The following MYO18B variants were observed in gnomAD, a reference collection of about 807,000 sequenced individuals.
MYO18B encodes myosin XVIIIB.
Under a neutral mutation model 273.0 loss-of-function variants are expected in MYO18B, and 204 were observed. That is an observed-to-expected ratio of 0.75 (90% CI 0.67 to 0.84). The LOEUF (loss-of-function observed/expected upper bound fraction) is 0.84, where lower values mean the gene tolerates loss of function less well. Among genes scored for constraint, MYO18B ranks in the 40% least tolerant of loss-of-function variants. MYO18B has a pLI of 0.00. For synonymous variants in MYO18B, 1,330 were observed against 1,305.7 expected, an observed-to-expected ratio of 1.02 and a Z score of -0.40; for missense variants, 3,212 against 3,287.6, an observed-to-expected ratio of 0.98 and a Z score of 0.56.
intron 25 of MYO18B, among the ~76,000 whole-genome samples, chr22:25,885,981 T>C (rs1317700759): frequency 6.6e-6 from 1 of 152,228 alleles, no homozygotes; most frequent in East Asian, 1.9e-4. Context: ...ATTGCTGTCA[T>C]GCACTTGTTA....
chr22:25,978,694 CT>C (rs2093119120), intron 39 of MYO18B, among the ~76,000 whole-genome samples: 1 of 152,204 alleles, frequency 6.6e-6, no homozygotes, highest in Non-Finnish European at 1.5e-5. Flanking sequence ...TCGCTCATGC[CT>C]GTAATCCCAG....
chr22:25,761,035 T>G lies in MYO18B; in HGVS notation c.-58T>G. 1 of 1,593,152 alleles carries G rather than the reference T, an allele frequency of 6.3e-7. No individual in the cohort carries two copies. ...GTGTCTGTAAAGCCTCATTCCGTGC[T>G]GTCTGGCAGGAAGCTCCATCTCATC... On this transcript the variant is annotated 5_prime_UTR_variant, in exon 2 of 44. Coordinates refer to ENST00000335473, the MANE Select transcript of MYO18B (RefSeq NM_032608.7).
At chr22:25,759,620 TAACA>T (rs1183970773) in intron 1 of MYO18B, among the ~76,000 whole-genome samples, 1 of 152,152 alleles carries the variant, frequency 6.6e-6, no homozygotes, top group Non-Finnish European at 1.5e-5. Context: ...TATACCTATG[TAACA>T]AACCTGCATG....
intron 34 of MYO18B, among the ~76,000 whole-genome samples, chr22:25,935,265 G>A (rs377384854): frequency 7.9e-5 from 12 of 152,156 alleles, no homozygotes; most frequent in Admixed American, 2.6e-4. Flanking sequence ...GGAGGAGAGT[G>A]AGCAAGGGAG....
intron 34 of MYO18B, among the ~76,000 whole-genome samples, chr22:25,941,113 A>G (rs761747650): frequency 6.6e-6 from 1 of 152,244 alleles, no homozygotes; most frequent in Non-Finnish European, 1.5e-5. Flanking sequence ...TACAAAAAGT[A>G]AAAATTGGAA....
intron 11 of MYO18B, among the ~76,000 whole-genome samples, chr22:25,791,943 C>T (rs1248752662): frequency 2.0e-5 from 3 of 152,182 alleles, no homozygotes; most frequent in Admixed American, 1.3e-4. Flanking sequence ...GTGGTGGAGT[C>T]GGGACTGGGA....
chr22:25,829,107 C>T, intron 15 of MYO18B, 139 bp downstream of exon 15: 1 of 987,700 alleles, frequency 1.0e-6, no homozygotes, highest in Non-Finnish European at 1.5e-6. Context: ...GCCCTTTCCC[C>T]AGGCCTGGCT....
intron 12 of MYO18B, among the ~76,000 whole-genome samples, chr22:25,820,616 G>C (rs560848512): frequency 2.6e-4 from 39 of 152,322 alleles, no homozygotes; most frequent in African/African-American, 9.1e-4. Context: ...AACATGTACA[G>C]TTATCAGGGT....
In MYO18B at chr22:25,823,566, C is replaced by G. The variant is rs567970076; in HGVS notation, c.2583C>G (p.Cys861Trp). The change falls in exon 13 of 44, where the codon TGC becomes TGG. Residue 861 changes from cysteine to tryptophan, a missense_variant. Cys to Trp is a radical substitution (Grantham distance 215, BLOSUM62 -2). Coordinates refer to ENST00000335473, the MANE Select transcript of MYO18B (RefSeq NM_032608.7). ...WANYAAEALGCEYEELNTATF... is the reference protein window; with the variant it reads ...WANYAAEALGWEYEELNTATF... ...ACTACGCAGCTGAGGCCCTGGGCTG[C>G]GAGTATGAGGAGCTGAACACGGCCA... The G allele has an allele frequency of 1.2e-6, 2 of 1,613,924 alleles. No individual in the cohort carries two copies. Among genetic ancestry groups the G allele is most frequent in the Non-Finnish European group, 1.7e-6 (2 of 1,179,872 alleles).
At chr22:26,013,978 T>C (rs1000238984) in intron 42 of MYO18B, among the ~76,000 whole-genome samples, 4 of 152,162 alleles carry the variant, frequency 2.6e-5, no homozygotes, top group Non-Finnish European at 5.9e-5. Flanking sequence ...AATGGTTTAT[T>C]TTTATAAGAA....
At chr22:25,799,508 T>C (rs571320500) in intron 12 of MYO18B, among the ~76,000 whole-genome samples, 1 of 152,278 alleles carries the variant, frequency 6.6e-6, no homozygotes, top group Non-Finnish European at 1.5e-5. Flanking sequence ...GTGGCTTCCT[T>C]TGGGCCCAGA....
intron 34 of MYO18B, among the ~76,000 whole-genome samples, chr22:25,922,075 C>T (rs1158672858): frequency 6.6e-6 from 1 of 152,262 alleles, no homozygotes; most frequent in African/African-American, 2.4e-5. Flanking sequence ...GCACATGGTG[C>T]TGCATGGTGT....
intron 7 of MYO18B, among the ~76,000 whole-genome samples, 167 bp from the exon 8 acceptor site, chr22:25,777,416 A>C (rs772007690): frequency 2.0e-5 from 3 of 152,220 alleles, no homozygotes; most frequent in Non-Finnish European, 4.4e-5. Context: ...GACTAGACAT[A>C]CAGGCTTGGC....
At chr22:26,049,390 G>C in the MYO18B span, among the ~76,000 whole-genome samples, 1 of 152,250 alleles carries the variant, frequency 6.6e-6, no homozygotes, top group Non-Finnish European at 1.5e-5. Flanking sequence ...GAAAGATTGA[G>C]TGGAAGAGGA....
chr22:26,022,247 A>G (rs1269262392), intron 42 of MYO18B, among the ~76,000 whole-genome samples: 1 of 146,202 alleles, frequency 6.8e-6, no homozygotes, highest in Non-Finnish European at 1.5e-5. Context: ...AGCCACACCG[A>G]CCTGGTCCTG....
At chr22:25,768,048 C>G (rs1448754588) in intron 3 of MYO18B, 67 bp from the exon 4 acceptor site, 1 of 1,328,602 alleles carries the variant, frequency 7.5e-7, no homozygotes, top group African/African-American at 1.5e-5. Context: ...TGAACGAACA[C>G]GAGTGAATGA....
rs182020905 is a variant in MYO18B at position 25,877,563 on chromosome 22, G to T, written c.4225-396G>T. 1.2e-4 allele frequency among the ~76,000 whole-genome samples: 19 copies of T among 152,218 alleles called. No individual in the cohort carries two copies. In the South Asian group the frequency reaches 1.5e-3, roughly 12 times the overall value. ...GCTCACTGCATCCTCCATCTCCGGG[G>T]TTCAAGTGATTCTCCTGCCTCAAGC... is the stretch of plus-strand genomic sequence containing the variant. On this transcript the variant is annotated intron_variant, in intron 24 of 43. Coordinates refer to ENST00000335473, the MANE Select transcript of MYO18B (RefSeq NM_032608.7).
chr22:25,794,726 G>A (rs1357531485), intron 11 of MYO18B, among the ~76,000 whole-genome samples: 1 of 148,712 alleles, frequency 6.7e-6, no homozygotes, highest in African/African-American at 2.5e-5. Flanking sequence ...GGATGGTCAC[G>A]ATCTCCTGAC....
At position 25,768,117 on chromosome 22, in the gene MYO18B, C is replaced by T. The variant is rs371250005; in HGVS notation, c.201C>T (p.Ile67=). The change falls in exon 4 of 44, where the codon ATC becomes ATT. Residue 67 remains isoleucine (I), a splice_region_variant and synonymous_variant. Transcript: ENST00000335473. ...QLAVASPERE[I]PEISISQPNS... ...CATGGTTGTGTTCTTTCTCCCAGAT[C>T]CCAGAAATTTCCATCAGCCAACCCA... The T allele has an allele frequency of 7.0e-5, 112 of 1,591,260 alleles. 1 individual carries two copies. The African/African-American group carries it at 1.3e-3, about 19-fold the overall frequency.
Sources: gnomAD v4.1 joint callset for allele counts (sites outside exome capture counted in the v4.1 genomes callset) on GRCh38, gnomAD v4.1.1 for gene constraint, MANE v1.5 for transcripts, NCBI Gene and HGNC (gene_info 2026-07-23, HGNC 2026-07-21) for gene names.